The following TFCP2L1 variants were observed in gnomAD, a reference collection of about 807,000 sequenced individuals.
TFCP2L1 encodes transcription factor CP2-like protein 1.
TFCP2L1 carries 12 observed loss-of-function variants against 72.2 expected under a neutral mutation model. The observed-to-expected ratio is 0.17, with a 90% CI of 0.11 to 0.27. TFCP2L1 has a LOEUF of 0.27. Ranked by LOEUF, TFCP2L1 falls within the 10% of genes least tolerant of loss-of-function variation. TFCP2L1 has a pLI of 1.00. For missense variants in TFCP2L1, 488 were observed against 624.6 expected (o/e 0.78, Z 2.33); for synonymous variants, 260 against 251.0 (o/e 1.04, Z -0.34).
rs190975190 is a variant in TFCP2L1 at position 121,273,980 on chromosome 2, G to A, written c.214+7140C>T. 2.5e-3 allele frequency among the ~76,000 whole-genome samples: 386 copies of A among 151,860 alleles called. 2 individuals are homozygous for A. Among genetic ancestry groups the A allele is most frequent in the Middle Eastern group, 6.8e-3 (2 of 292 alleles). On this transcript the variant is annotated intron_variant, in intron 2 of 14. Transcript: ENST00000263707. ...GTGGTAGTGGGCGCCTGTAACCCCA[G>A]CTACTCGGGAGGCTGAGGCAGGAGA...
Position 121,231,823 on chromosome 2 carries a change from C to T in TFCP2L1, c.1341+3G>A. On this transcript the variant is annotated splice_donor_region_variant and intron_variant, in intron 13 of 14. Transcript: ENST00000263707. ...TCGGGGCAGGCCAGGCAGCAGCCCTCACCTCGTTGCTCACCACCACATGGA... is the reference window on the plus strand; with the variant it reads ...TCGGGGCAGGCCAGGCAGCAGCCCTTACCTCGTTGCTCACCACCACATGGA... 3 of 1,612,598 alleles carry T rather than the reference C, an allele frequency of 1.9e-6. No homozygotes were observed. The highest frequency in any genetic ancestry group is 2.5e-6 in the Non-Finnish European group (3 of 1,179,334).
chr2:121,234,404 C>T (rs1325991061), intron 11 of TFCP2L1: 4 of 554,426 alleles, frequency 7.2e-6, no homozygotes, highest in Non-Finnish European at 1.3e-5. Context: ...TGAAGCTCAA[C>T]ATACAAGACG....
intron 2 of TFCP2L1, among the ~76,000 whole-genome samples, chr2:121,254,946 G>A (rs1686686141): frequency 6.6e-6 from 1 of 152,182 alleles, no homozygotes; most frequent in Admixed American, 6.5e-5. Flanking sequence ...CACTCACCTG[G>A]CTCTCCAGAT....
chr2:121,246,732 G>A, intron 6 of TFCP2L1, 86 bp downstream of exon 6: 2 of 1,559,284 alleles, frequency 1.3e-6, no homozygotes, highest in Non-Finnish European at 1.8e-6. Flanking sequence ...GGGCCTGTAA[G>A]AGGAAACTCC....
intron 7 of TFCP2L1, chr2:121,240,776 G>A: frequency 2.0e-6 from 2 of 978,282 alleles, no homozygotes; most frequent in Non-Finnish European, 1.2e-6. Context: ...GGAAGAAACT[G>A]GTCTGGCCTC....
intron 2 of TFCP2L1, among the ~76,000 whole-genome samples, chr2:121,275,316 G>A (rs1203258596): frequency 3.4e-5 from 5 of 147,240 alleles, no homozygotes; most frequent in South Asian, 2.2e-4. Flanking sequence ...GGAGAATGGC[G>A]TGAACCCAGG....
intron 10 of TFCP2L1, among the ~76,000 whole-genome samples, chr2:121,237,117 T>G (rs1295457053): frequency 6.6e-6 from 1 of 151,520 alleles, no homozygotes; most frequent in Admixed American, 6.6e-5. Context: ...TCAGTTCACC[T>G]TTGCACTCCA....
rs1198711663 is a variant in TFCP2L1, at chr2:121,216,684, T to C, written c.*7657A>G. ...CTATGGTACAGTAACAAGTGCAAAA[T>C]ATGCTTTATTTCAGGTACAAAAACA... On this transcript the variant is annotated 3_prime_UTR_variant, in exon 15 of 15. Coordinates refer to ENST00000263707, the MANE Select transcript of TFCP2L1 (RefSeq NM_014553.3). The C allele has an allele frequency of 6.6e-6, 1 of 152,096 alleles. No homozygotes were observed. Among genetic ancestry groups the C allele is most frequent in the African/African-American group, 2.4e-5 (1 of 41,394 alleles). 9.4% of individuals were successfully genotyped at this position (152,096 alleles called of 1,614,324 possible). A position where few individuals can be genotyped will look rare whatever the true frequency, so the allele number is the denominator to read the frequency against.
Position 121,235,233 on chromosome 2 carries a change from G to A in TFCP2L1, c.1082C>T (p.Ala361Val), listed in dbSNP as rs763130366. 5 of 1,614,166 alleles carry A rather than the reference G, an allele frequency of 3.1e-6. No individual in the cohort carries two copies. Among genetic ancestry groups the A allele is most frequent in the Non-Finnish European group, 4.2e-6 (5 of 1,180,030 alleles). Residue 361 changes from alanine (A) to valine (V), a missense_variant, in exon 11 of 15, where the codon GCC (alanine) becomes GTC (valine). Coordinates refer to ENST00000263707, the MANE Select transcript of TFCP2L1 (RefSeq NM_014553.3). ...GPADGIRLFN[A>V]IKGRNVRPKM... ...AACCAACACCTACCGGCCTTTGATG[G>A]CGTTGAAGAGCCGGATCCCATCTGC...
chr2:121,259,079 C>G (rs1001825756), intron 2 of TFCP2L1, among the ~76,000 whole-genome samples: 1 of 152,108 alleles, frequency 6.6e-6, no homozygotes, highest in Admixed American at 6.6e-5. Flanking sequence ...GAAACCCTGT[C>G]TCTAGTAAAA....
Position 121,236,724 on chromosome 2 carries a change from C to T in TFCP2L1, c.1003+899G>A, listed in dbSNP as rs536044159. On this transcript the variant is annotated intron_variant, in intron 10 of 14. Coordinates refer to ENST00000263707, the MANE Select transcript of TFCP2L1 (RefSeq NM_014553.3). ...CCTCTCCTCCCCGGGCCACTCCACT[C>T]CACTCCACCTGGGTCCCCTGCTCTG... 5.9e-5 allele frequency among the ~76,000 whole-genome samples: 9 copies of T among 152,198 alleles called. 1 individual carries two copies. The South Asian group carries it at 1.9e-3, about 32-fold the overall frequency.
At chr2:121,248,887 C>T (rs1048269619) in intron 4 of TFCP2L1, 95 bp downstream of exon 4, 46 of 1,001,264 alleles carry the variant, frequency 4.6e-5, no homozygotes, top group Non-Finnish European at 6.4e-5. Context: ...AGCTAAAACG[C>T]CTTCTCGGCA....
chr2:121,233,317 C>T (rs1201614729), intron 12 of TFCP2L1, among the ~76,000 whole-genome samples: 1 of 152,178 alleles, frequency 6.6e-6, no homozygotes, highest in Non-Finnish European at 1.5e-5. Flanking sequence ...ATTCTCCTGC[C>T]TCAGCTGGGA....
At chr2:121,271,944 A>G (rs1687056111) in intron 2 of TFCP2L1, among the ~76,000 whole-genome samples, 1 of 152,032 alleles carries the variant, frequency 6.6e-6, no homozygotes, top group Non-Finnish European at 1.5e-5. Flanking sequence ...TTTCCTCTCC[A>G]AGGAGGCATT....
chr2:121,253,248 T>A (rs1209482046), intron 2 of TFCP2L1, among the ~76,000 whole-genome samples: 1 of 152,184 alleles, frequency 6.6e-6, no homozygotes, highest in Non-Finnish European at 1.5e-5. Context: ...CCAGTGCTGC[T>A]CATGGTGACG....
intron 10 of TFCP2L1, among the ~76,000 whole-genome samples, chr2:121,236,657 C>T (rs1022600122): frequency 6.6e-6 from 1 of 152,172 alleles, no homozygotes; most frequent in East Asian, 1.9e-4. Context: ...CACTGTTCTT[C>T]CAGGGCCCCC....
At chr2:121,239,924 A>T (rs935097136) in intron 7 of TFCP2L1, among the ~76,000 whole-genome samples, 2 of 152,232 alleles carry the variant, frequency 1.3e-5, no homozygotes, top group African/African-American at 4.8e-5. Flanking sequence ...ACCAGAGGGG[A>T]AACATCACAG....
At chr2:121,252,642 G>C (rs189066928) in intron 2 of TFCP2L1, among the ~76,000 whole-genome samples, 1 of 152,132 alleles carries the variant, frequency 6.6e-6, no homozygotes, top group Non-Finnish European at 1.5e-5. Flanking sequence ...ACAGGGTCAC[G>C]AGTCAAGGAA....
chr2:121,278,792 C>T (rs1160671278), intron 2 of TFCP2L1, among the ~76,000 whole-genome samples: 2 of 149,740 alleles, frequency 1.3e-5, no homozygotes, highest in South Asian at 2.1e-4. Context: ...TCACTTGAGG[C>T]CAGGAGTTCA....
Sources: gnomAD v4.1 joint callset for allele counts (sites outside exome capture counted in the v4.1 genomes callset) on GRCh38, gnomAD v4.1.1 for gene constraint, MANE v1.5 for transcripts, NCBI Gene and HGNC (gene_info 2026-07-23, HGNC 2026-07-21) for gene names.